Variants in CLEC4C observed in about 807,000 individuals in gnomAD.
CLEC4C encodes the protein C-type (calcium dependent, carbohydrate-recognition domain) lectin, superfamily member 11.
In CLEC4C, 17 loss-of-function variants were observed where a neutral mutation model predicts 27.7. That is an observed-to-expected ratio of 0.61 (90% CI 0.42 to 0.92). The LOEUF (loss-of-function observed/expected upper bound fraction) is 0.92, where lower values mean the gene tolerates loss of function less well. Among genes scored for constraint, CLEC4C ranks in the 40% least tolerant of loss-of-function variants. The pLI is 0.00. For missense variants in CLEC4C, 244 were observed against 257.3 expected, an observed-to-expected ratio of 0.95 and a Z score of 0.35; for synonymous variants, 80 against 80.8, an observed-to-expected ratio of 0.99 and a Z score of 0.06.
In CLEC4C at chr12:7,739,357, C is replaced by T. The variant is rs764280068; in HGVS notation, c.236-1783G>A. ...CAATCTCTTGACCTCGTGATCCGCC[C>T]GCCTCGGCCTCCCAAAGTGCTGGGA... is the stretch of plus-strand genomic sequence containing the variant. On this transcript the variant is annotated intron_variant, in intron 3 of 5. Transcript: ENST00000360345. Among the ~76,000 whole-genome samples the T allele has an allele frequency of 2.2e-3, 338 of 152,076 alleles. 2 individuals carry two copies. Among genetic ancestry groups the T allele is most frequent in the Middle Eastern group, 0.01 (3 of 294 alleles).
chr12:7,731,911 G>A (rs1592088185), intron 4 of CLEC4C, among the ~76,000 whole-genome samples: 2 of 152,128 alleles, frequency 1.3e-5, no homozygotes, highest in Non-Finnish European at 1.5e-5. Flanking sequence ...CCGAGCTCAC[G>A]TTATTGCACT....
chr12:7,730,729 A>G (rs762143901), intron 5 of CLEC4C, 68 bp downstream of exon 5: 8 of 759,932 alleles, frequency 1.1e-5, no homozygotes, highest in Non-Finnish European at 1.8e-5. Context: ...TTTGCTTAAT[A>G]GCTGATGGAA....
rs373197589 is a variant in CLEC4C, at chr12:7,746,317, A to T, written c.124+14T>A. On this transcript the variant is annotated intron_variant, in intron 2 of 5. Coordinates refer to ENST00000360345, the MANE Select transcript of CLEC4C (RefSeq NM_001371390.1). Reference sequence around the variant, plus strand: ...AAGGACCAAGAGATGACTGCACTCCAGCCAAGAACTTACCCACAGAACTCA... The same window carrying T: ...AAGGACCAAGAGATGACTGCACTCCTGCCAAGAACTTACCCACAGAACTCA... 3 of 1,560,780 alleles carry T rather than the reference A, an allele frequency of 1.9e-6. No individual in the cohort carries two copies. The African/African-American group carries it at 4.1e-5, about 21-fold the overall frequency.
chr12:7,738,363 C>G (rs758467495), intron 3 of CLEC4C, among the ~76,000 whole-genome samples: 1 of 152,282 alleles, frequency 6.6e-6, no homozygotes, highest in East Asian at 1.9e-4. Context: ...AAATATCCAT[C>G]TCTCCTCCTT....
At chr12:7,737,336 TTC>T in intron 4 of CLEC4C, 91 bp downstream of exon 4, 1 of 1,066,664 alleles carries the variant, frequency 9.4e-7, no homozygotes, top group Non-Finnish European at 1.2e-6. Context: ...TTTTTTTTTT[TTC>T]CTGTCTTTGA....
intron 3 of CLEC4C, 136 bp from the exon 4 acceptor site, chr12:7,737,710 T>A: frequency 1.3e-6 from 1 of 775,746 alleles, no homozygotes; most frequent in Non-Finnish European, 2.0e-6. Context: ...TGAACTCATT[T>A]ACTGGTGTAT....
At chr12:7,740,448 C>T (rs1864827124) in intron 3 of CLEC4C, among the ~76,000 whole-genome samples, 1 of 151,888 alleles carries the variant, frequency 6.6e-6, no homozygotes, top group South Asian at 2.1e-4. Context: ...GCCTGTAATC[C>T]CAGCACTTTG....
rs7302411 is a variant in CLEC4C, at chr12:7,738,374, C to T, written c.236-800G>A. ...TGAAAAATATCCATCTCTCCTCCTT[C>T]GAAGCACCAGTTTCTTCCACTGTCA... On this transcript the variant is annotated intron_variant, in intron 3 of 5. Coordinates refer to ENST00000360345, the MANE Select transcript of CLEC4C (RefSeq NM_001371390.1). Among the ~76,000 whole-genome samples, 717 of 152,278 alleles carry T rather than the reference C, an allele frequency of 4.7e-3. 4 individuals are homozygous for T. Among genetic ancestry groups the T allele is most frequent in the African/African-American group, 0.016 (679 of 41,572 alleles).
At chr12:7,748,302 C>T (rs1290028932), upstream of CLEC4C, among the ~76,000 whole-genome samples, 10 of 152,016 alleles carry the variant, frequency 6.6e-5, no homozygotes, top group Admixed American at 5.3e-4. Flanking sequence ...CTGAGGTGGG[C>T]GGATCACGAG....
intron 3 of CLEC4C, among the ~76,000 whole-genome samples, chr12:7,738,472 A>T (rs1227664547): frequency 1.3e-5 from 2 of 152,130 alleles, no homozygotes; most frequent in Non-Finnish European, 2.9e-5. Flanking sequence ...GTTTTTCTTT[A>T]TATTTTGACA....
chr12:7,733,864 C>T (rs1454309690), intron 4 of CLEC4C, among the ~76,000 whole-genome samples: 1 of 151,644 alleles, frequency 6.6e-6, no homozygotes, highest in Non-Finnish European at 1.5e-5. Context: ...CGTGAGCCAC[C>T]ACACCCAGCC....
In CLEC4C at chr12:7,729,690, A is replaced by G. The variant is rs779990736; in HGVS notation, c.548T>C (p.Ile183Thr). 1.9e-6 allele frequency: 3 copies of G among 1,613,740 alleles called. No homozygotes were observed. The South Asian group carries it at 3.3e-5, about 18-fold the overall frequency. Residue 183 changes from isoleucine (I) to threonine (T), a missense_variant, in exon 6 of 6, where the codon ATA becomes ACA. Physicochemically the swap from Ile to Thr is moderately conservative, Grantham distance 89. Coordinates refer to ENST00000360345, the MANE Select transcript of CLEC4C (RefSeq NM_001371390.1). ...CCATTCTTCTGAAGAACGGAAATTT[A>G]TTATCGCACAACGCTCATCAAGGTT... Reference protein sequence around the residue: ...PNNLDERCAIINFRSSEEWGW... With the variant: ...PNNLDERCAITNFRSSEEWGW...
Position 7,730,779 on chromosome 12 carries a change from A to C in CLEC4C, c.497+18T>G. ...ACATGATCAGGACCCAGTGTCCTTT[A>C]CCTCATTCTATACTCACGTGACATT... is the stretch of plus-strand genomic sequence containing the variant. On this transcript the variant is annotated intron_variant, in intron 5 of 5. Coordinates refer to ENST00000360345, the MANE Select transcript of CLEC4C (RefSeq NM_001371390.1). 7.8e-7 allele frequency: 1 copy of C among 1,282,468 alleles called. No individual in the cohort carries two copies. Among genetic ancestry groups the C allele is most frequent in the African/African-American group, 1.5e-5 (1 of 68,674 alleles). 79.4% of individuals were successfully genotyped at this position (1,282,468 alleles called of 1,614,324 possible). A position where few individuals can be genotyped will look rare whatever the true frequency, so the allele number is the denominator to read the frequency against.
In CLEC4C at chr12:7,742,502, CT is replaced by C. The variant is rs934109006; in HGVS notation, c.125-972del. Among the ~76,000 whole-genome samples the C allele has an allele frequency of 1.5e-3, 183 of 119,604 alleles. 1 individual carries two copies. The highest frequency in any genetic ancestry group is 5.3e-3 in the African/African-American group (179 of 33,938). The allele number at this position is 119,604 out of a possible 152,430, so 78.5% of individuals were successfully genotyped here. On this transcript the variant is annotated intron_variant, in intron 2 of 5. Transcript: ENST00000360345. Reference sequence around the variant, plus strand: ...CTCTAGCCTGGGCAATAGAGCCAGACTTTGTCTCGAAAAAAAAAAAAAAAAG... The same window carrying C: ...CTCTAGCCTGGGCAATAGAGCCAGACTTGTCTCGAAAAAAAAAAAAAAAAG...
At chr12:7,748,554 C>T (rs1174954912), upstream of CLEC4C, among the ~76,000 whole-genome samples, 4 of 152,018 alleles carry the variant, frequency 2.6e-5, no homozygotes, top group Non-Finnish European at 5.9e-5. Context: ...AGTTAGCAGC[C>T]ATCCTTTGAG....
rs1864543273 is a variant in CLEC4C, at chr12:7,729,624, A to G, written c.614T>C (p.Ile205Thr). Residue 205 changes from isoleucine (I) to threonine (T), a missense_variant, in exon 6 of 6, where the codon ATT (isoleucine) becomes ACT (threonine). Transcript: ENST00000360345. ...TATGTAGATCTTCTTCATCTTGCAA[A>G]TTGACTTCTGAGGTACATGACAGTG... ...DIHCHVPQKS[I>T]CKMKKIYI 6.2e-7 allele frequency: 1 copy of G among 1,613,472 alleles called. No homozygotes were observed. The highest frequency in any genetic ancestry group is 8.5e-7 in the Non-Finnish European group (1 of 1,179,772).
Position 7,730,848 on chromosome 12 carries a change from C to A in CLEC4C, c.446G>T (p.Gly149Val), listed in dbSNP as rs1345804656. 3 of 1,610,492 alleles carry A rather than the reference C, an allele frequency of 1.9e-6. No individual in the cohort carries two copies. Among genetic ancestry groups the A allele is most frequent in the South Asian group, 2.2e-5 (2 of 91,002 alleles). Residue 149 changes from glycine (G) to valine (V), a missense_variant, in exon 5 of 6, where the codon GGT (glycine) becomes GTT (valine). Physicochemically the swap from Gly to Val is moderately radical, Grantham distance 109. Coordinates refer to ENST00000360345, the MANE Select transcript of CLEC4C (RefSeq NM_001371390.1). ...SYFLGLSDPG[G>V]RRHWQWVDQT... ...GTCAACCCATTGCCAATGTCGCCGACCCCCTGGATCTGACAGCCCCAGAAA... is the reference window on the plus strand; with the variant it reads ...GTCAACCCATTGCCAATGTCGCCGAACCCCTGGATCTGACAGCCCCAGAAA...
intron 2 of CLEC4C, among the ~76,000 whole-genome samples, chr12:7,744,287 G>GT (rs1320258392): frequency 6.6e-6 from 1 of 152,160 alleles, no homozygotes; most frequent in African/African-American, 2.4e-5. Context: ...GCAAAGCAAA[G>GT]TTTAACTTTA....
upstream of CLEC4C, among the ~76,000 whole-genome samples, chr12:7,748,419 A>G (rs1036551363): frequency 1.9e-4 from 29 of 152,044 alleles, no homozygotes; most frequent in African/African-American, 7.0e-4. Context: ...CCAGCTACTC[A>G]GGAGGCTGAG....
Sources: allele counts gnomAD v4.1 joint callset (sites outside exome capture counted in the v4.1 genomes callset), GRCh38; gene constraint gnomAD v4.1.1; transcripts MANE v1.5; gene names NCBI Gene and HGNC (gene_info 2026-07-23, HGNC 2026-07-21).